The following DNAH1 variants were observed in gnomAD, a reference collection of about 807,000 sequenced individuals.
DNAH1 encodes the protein dynein axonemal heavy chain 1, also known as axonemal beta dynein heavy chain 1.
DNAH1 carries 327 observed loss-of-function variants against 484.3 expected under a neutral mutation model. The observed-to-expected ratio is 0.68, with a 90% CI of 0.62 to 0.74. DNAH1 has a LOEUF of 0.74. Ranked by LOEUF, DNAH1 falls within the 30% of genes least tolerant of loss-of-function variation. The pLI, the probability that DNAH1 is intolerant of heterozygous loss-of-function variation, is 0.00. For synonymous variants in DNAH1, 2,192 were observed against 2,191.9 expected (o/e 1.00, Z 0.00); for missense variants, 5,052 against 5,546.8 (o/e 0.91, Z 2.83).
Position 52,353,759 on chromosome 3 carries a change from G to T in DNAH1, c.3480+126G>T. ...TAAGCCCCATCCCTGGGGTCATGAG[G>T]CCCAGGGGTTGAGATGCATTCTATT... On this transcript the variant is annotated intron_variant, in intron 20 of 77. Coordinates refer to ENST00000420323, the MANE Select transcript of DNAH1 (RefSeq NM_015512.5). This position sits in a 1 kb window ranked among gnomAD's most constrained non-coding sequence, Gnocchi z 5.0. 1 of 1,311,726 alleles carries T rather than the reference G, an allele frequency of 7.6e-7. No individual in the cohort carries two copies. Among genetic ancestry groups the T allele is most frequent in the African/African-American group, 1.5e-5 (1 of 68,206 alleles). 81.3% of individuals were successfully genotyped at this position (1,311,726 alleles called of 1,614,324 possible).
At chr3:52,378,387 T>C (rs1703694742) in intron 46 of DNAH1, among the ~76,000 whole-genome samples, 1 of 150,446 alleles carries the variant, frequency 6.6e-6, no homozygotes, top group East Asian at 2.0e-4. Context: ...CATGTCAGCA[T>C]AAAGATATAA....
At chr3:52,396,223 G>T (rs1045851150) in intron 70 of DNAH1, 145 bp from the exon 71 acceptor site, 4 of 883,418 alleles carry the variant, frequency 4.5e-6, no homozygotes, top group Non-Finnish European at 5.1e-6. Flanking sequence ...GTGAGCCACC[G>T]CGCCCAGCCA....
intron 1 of DNAH1, among the ~76,000 whole-genome samples, chr3:52,316,781 C>T (rs571774099): frequency 1.5e-4 from 23 of 152,322 alleles, no homozygotes; most frequent in African/African-American, 2.2e-4. Flanking sequence ...CAAGCCAGCA[C>T]GACTAAAATG....
At chr3:52,357,522 G>C (rs906318177) in intron 22 of DNAH1, 92 bp from the exon 23 acceptor site, 1 of 1,495,556 alleles carries the variant, frequency 6.7e-7, no homozygotes, top group Non-Finnish European at 9.0e-7. Context: ...CCGCTGAGGG[G>C]CTCTGGCTGG....
Position 52,353,776 on chromosome 3 carries a change from C to A in DNAH1, c.3480+143C>A. On this transcript the variant is annotated intron_variant, in intron 20 of 77. Coordinates refer to ENST00000420323, the MANE Select transcript of DNAH1 (RefSeq NM_015512.5). This position sits in a 1 kb window ranked among gnomAD's most constrained non-coding sequence, Gnocchi z 5.0. The stretch of plus-strand genomic sequence containing the variant: ...GTCATGAGGCCCAGGGGTTGAGATG[C>A]ATTCTATTAAGTGAGTTAATAATGC... 1 of 1,100,730 alleles carries A rather than the reference C, an allele frequency of 9.1e-7. No homozygotes were observed. The allele number at this position is 1,100,730 out of a possible 1,614,324, so 68.2% of individuals were successfully genotyped here.
In DNAH1 at chr3:52,390,917, G is replaced by A. The variant is rs1190040701; in HGVS notation, c.9622-18G>A. 1 of 1,551,554 alleles carries A rather than the reference G, an allele frequency of 6.4e-7. No individual in the cohort carries two copies. Among genetic ancestry groups the A allele is most frequent in the Admixed American group, 2.0e-5 (1 of 51,004 alleles). Reference sequence around the variant, plus strand: ...TGCAGGAAAGCTCTGACCCAGTCCAGTGCCTGGCTCTCCACAGATCGCTGG... The same window carrying A: ...TGCAGGAAAGCTCTGACCCAGTCCAATGCCTGGCTCTCCACAGATCGCTGG... On this transcript the variant is annotated intron_variant, in intron 60 of 77. Transcript: ENST00000420323.
intron 3 of DNAH1, among the ~76,000 whole-genome samples, chr3:52,324,820 C>G (rs1701277334): frequency 6.6e-6 from 1 of 152,118 alleles, no homozygotes; most frequent in Non-Finnish European, 1.5e-5. Context: ...GGGTGATTGG[C>G]AGATGGCAGC....
chr3:52,367,437 C>T (rs971181858), intron 36 of DNAH1, among the ~76,000 whole-genome samples: 8 of 152,108 alleles, frequency 5.3e-5, no homozygotes, highest in Admixed American at 2.0e-4. Context: ...CCTTCCACAA[C>T]GTGAACCTGT....
At chr3:52,314,310 G>A (rs541729225), upstream of DNAH1, among the ~76,000 whole-genome samples, 28 of 152,342 alleles carry the variant, frequency 1.8e-4, no homozygotes, top group Admixed American at 9.1e-4. Flanking sequence ...GCCATCTGGC[G>A]CTTTGGCCCA....
rs752094574 is a variant in DNAH1, at chr3:52,361,396, C to G, written c.4874+44C>G. 1.3e-6 allele frequency: 2 copies of G among 1,500,260 alleles called. No homozygotes were observed. The highest frequency in any genetic ancestry group is 2.2e-5 in the Admixed American group (1 of 44,832). 92.9% of individuals were successfully genotyped at this position (1,500,260 alleles called of 1,614,324 possible). A position where few individuals can be genotyped will look rare whatever the true frequency, so the allele number is the denominator to read the frequency against. On this transcript the variant is annotated intron_variant, in intron 29 of 77. Transcript: ENST00000420323. The surrounding 1 kb of genome is among the most constrained non-coding windows in gnomAD (Gnocchi z 5.6). ...GTGGCACAGGATGGGGTGGGACAGC[C>G]TAGCTCTCCTTGGGGAGGGCTAGGT...
Position 52,352,590 on chromosome 3 carries a change from A to G in DNAH1, c.2910A>G (p.Ser970=). ...VAGFSIHVEI[S]RAHEIANEVR... ...GCTTCTCCATCCATGTGGAGATTTC[A>G]CGTGCACACGAGATCGCCAACGAGG... The change falls in exon 18 of 78, where the codon TCA becomes TCG. Residue 970 remains serine (S), a synonymous_variant. Transcript: ENST00000420323. 1 of 1,612,082 alleles carries G rather than the reference A, an allele frequency of 6.2e-7. No homozygotes were observed. The highest frequency in any genetic ancestry group is 8.5e-7 in the Non-Finnish European group (1 of 1,179,384).
At position 52,349,327 on chromosome 3, in the gene DNAH1, C is replaced by T. The variant is rs760296381; in HGVS notation, c.2433C>T (p.Asp811=). The change falls in exon 14 of 78, where the codon GAC becomes GAT. Residue 811 remains aspartate (D), a synonymous_variant. Transcript: ENST00000420323. ...IIIGPFYINT[D]NVKQSLSKKR... ...TTGGGCCTTTCTACATCAACACCGA[C>T]AATGTCAAGCAGAGCCTGTCCAAGA... 1.1e-5 allele frequency: 17 copies of T among 1,613,906 alleles called. No homozygotes were observed. Among genetic ancestry groups the T allele is most frequent in the Non-Finnish European group, 5.1e-6 (6 of 1,179,906 alleles).
the DNAH1 span, among the ~76,000 whole-genome samples, chr3:52,311,137 A>G: frequency 6.6e-6 from 1 of 152,080 alleles, no homozygotes; most frequent in Non-Finnish European, 1.5e-5. Flanking sequence ...GGGCCCCCTC[A>G]CACCCCTGTT....
At chr3:52,367,380 T>G (rs1383107307) in intron 36 of DNAH1, among the ~76,000 whole-genome samples, 1 of 152,018 alleles carries the variant, frequency 6.6e-6, no homozygotes, top group Non-Finnish European at 1.5e-5. Flanking sequence ...GCTCCAGTGT[T>G]CTGGGAGCCC....
At chr3:52,345,755 G>T (rs761475239) in intron 10 of DNAH1, 49 bp downstream of exon 10, 1 of 1,564,404 alleles carries the variant, frequency 6.4e-7, no homozygotes. Flanking sequence ...CAGACCCTTG[G>T]AACTGGCAGG....
At chr3:52,375,545 C>T in intron 45 of DNAH1, 132 bp downstream of exon 45, 2 of 951,886 alleles carry the variant, frequency 2.1e-6, no homozygotes, top group East Asian at 2.6e-5. Context: ...GTTCACCTCT[C>T]ACTCAGCTGT....
At chr3:52,357,528 G>T in intron 22 of DNAH1, 86 bp from the exon 23 acceptor site, 3 of 1,513,652 alleles carry the variant, frequency 2.0e-6, no homozygotes, top group Non-Finnish European at 2.7e-6. Flanking sequence ...AGGGGCTCTG[G>T]CTGGTGTGGG....
chr3:52,346,382 C>G lies in DNAH1; in HGVS notation c.1657-90C>G, dbSNP rs1486472953. The G allele has an allele frequency of 6.5e-5, 91 of 1,391,582 alleles. 1 individual carries two copies. The highest frequency in any genetic ancestry group is 1.8e-5 in the Non-Finnish European group (19 of 1,033,860). 86.2% of individuals were successfully genotyped at this position (1,391,582 alleles called of 1,614,324 possible). Reference sequence around the variant, plus strand: ...ACAGTCAGATGAGCCCTGAGCCGCCCCAAGCACCCTGGTGCATAGAGTCCC... The same window carrying G: ...ACAGTCAGATGAGCCCTGAGCCGCCGCAAGCACCCTGGTGCATAGAGTCCC... On this transcript the variant is annotated intron_variant, in intron 10 of 77. Coordinates refer to ENST00000420323, the MANE Select transcript of DNAH1 (RefSeq NM_015512.5).
rs200820298 is a variant in DNAH1, at chr3:52,395,695, A to G, written c.11259+17A>G. On this transcript the variant is annotated intron_variant, in intron 70 of 77. Coordinates refer to ENST00000420323, the MANE Select transcript of DNAH1 (RefSeq NM_015512.5). The surrounding 1 kb of genome is among the most constrained non-coding windows in gnomAD (Gnocchi z 4.4). ...CCCGACAAGGTGTGTTGCCCTGCCC[A>G]TCACAGACCCAGTGGGGCCGCCTCT... 643 of 1,610,392 alleles carry G rather than the reference A, an allele frequency of 4.0e-4. 2 individuals are homozygous for G. In the African/African-American group the frequency reaches 7.4e-3, roughly 19 times the overall value.
Sources: gnomAD v4.1 joint callset for allele counts (sites outside exome capture counted in the v4.1 genomes callset) on GRCh38, gnomAD v4.1.1 for gene constraint, Gnocchi (gnomAD v3.1) non-coding constraint, MANE v1.5 for transcripts, NCBI Gene and HGNC (gene_info 2026-07-23, HGNC 2026-07-21) for gene names.